The following DPP6 variants were observed in gnomAD, a reference collection of about 807,000 sequenced individuals.
DPP6 encodes the protein A-type potassium channel modulatory protein DPP6.
Under a neutral mutation model 122.6 loss-of-function variants are expected in DPP6, and 69 were observed. That is an observed-to-expected ratio of 0.56 (90% confidence interval 0.46 to 0.69). The LOEUF (loss-of-function observed/expected upper bound fraction) is 0.69. DPP6 is among the 30% of genes least tolerant of loss of function. DPP6 has a pLI of 0.00. For synonymous variants in DPP6, 418 were observed against 433.1 expected (o/e 0.97, Z 0.43); for missense variants, 928 against 1,116.9 (o/e 0.83, Z 2.41).
chr7:154,745,227 C>G (rs982304263), intron 8 of DPP6, among the ~76,000 whole-genome samples: 1 of 152,170 alleles, frequency 6.6e-6, no homozygotes, highest in Non-Finnish European at 1.5e-5. Flanking sequence ...TCTCCTCATC[C>G]TGGAGGTCTC....
chr7:154,032,478 A>G (rs556925058), intron 1 of DPP6, among the ~76,000 whole-genome samples: 1 of 152,326 alleles, frequency 6.6e-6, no homozygotes, highest in Non-Finnish European at 1.5e-5. Context: ...ATTCCCCAGT[A>G]AAATGTTACT....
chr7:154,208,703 A>G (rs961593806), intron 1 of DPP6, among the ~76,000 whole-genome samples: 1 of 152,186 alleles, frequency 6.6e-6, no homozygotes, highest in African/African-American at 2.4e-5. Context: ...GTGATGCTCC[A>G]GATAGCACAG....
intron 1 of DPP6, among the ~76,000 whole-genome samples, chr7:154,018,169 G>T (rs1264736041): frequency 3.3e-5 from 5 of 151,960 alleles, no homozygotes; most frequent in Non-Finnish European, 7.4e-5. Context: ...CCCCTATCCT[G>T]CTGTAGATGA....
At chr7:153,779,323 C>G in the DPP6 span, among the ~76,000 whole-genome samples, 11 of 151,186 alleles carry the variant, frequency 7.3e-5, no homozygotes, top group Non-Finnish European at 1.3e-4. Flanking sequence ...TTAGAACACT[C>G]AATTATATTT....
chr7:154,143,094 C>T (rs1795924410), intron 1 of DPP6, among the ~76,000 whole-genome samples: 3 of 147,146 alleles, frequency 2.0e-5, no homozygotes, highest in Admixed American at 6.8e-5. Flanking sequence ...CACTCCTAGT[C>T]TAATATCAGT....
intron 3 of DPP6, among the ~76,000 whole-genome samples, chr7:154,516,244 A>T (rs1255242522): frequency 6.7e-6 from 1 of 148,236 alleles, no homozygotes; most frequent in Admixed American, 6.7e-5. Flanking sequence ...GGACTTCCTC[A>T]ATACCTACTC....
chr7:154,273,381 G>A (rs568802609), intron 1 of DPP6, among the ~76,000 whole-genome samples: 16 of 152,252 alleles, frequency 1.1e-4, no homozygotes, highest in East Asian at 3.9e-4. Context: ...TACAACCTGC[G>A]TTACAGCCAG....
At chr7:154,277,037 T>C (rs1585807958) in intron 1 of DPP6, among the ~76,000 whole-genome samples, 2 of 152,024 alleles carry the variant, frequency 1.3e-5, no homozygotes, top group South Asian at 2.1e-4. Context: ...CAACAAAAAA[T>C]ACAAAAATGT....
At chr7:153,801,818 A>G in the DPP6 span, among the ~76,000 whole-genome samples, 5 of 152,154 alleles carry the variant, frequency 3.3e-5, no homozygotes, top group African/African-American at 1.2e-4. Flanking sequence ...TCTTGTTCTC[A>G]GACTGGCCAT....
intron 1 of DPP6, among the ~76,000 whole-genome samples, chr7:154,429,993 T>C (rs1052607979): frequency 6.6e-6 from 1 of 152,156 alleles, no homozygotes; most frequent in African/African-American, 2.4e-5. Flanking sequence ...AAAGCCTGCC[T>C]CCCACCCTCA....
chr7:154,530,176 A>G (rs78010293), intron 3 of DPP6, among the ~76,000 whole-genome samples: 5,072 of 152,192 alleles, frequency 0.033, 110 homozygotes, highest in South Asian at 0.083. Flanking sequence ...ATTCAAAATG[A>G]ACAGGGAGAA....
chr7:153,774,311 A>G, the DPP6 span, among the ~76,000 whole-genome samples: 1 of 152,212 alleles, frequency 6.6e-6, no homozygotes, highest in African/African-American at 2.4e-5. Context: ...CGGAAGGTAC[A>G]ATACAGAGGT....
chr7:154,527,732 A>G (rs993122805), intron 3 of DPP6, among the ~76,000 whole-genome samples: 2 of 152,194 alleles, frequency 1.3e-5, no homozygotes, highest in Non-Finnish European at 2.9e-5. Context: ...ACCAAACAGC[A>G]TATATAAATT....
chr7:154,469,205 A>G (rs975601134), intron 2 of DPP6, among the ~76,000 whole-genome samples: 1 of 151,682 alleles, frequency 6.6e-6, no homozygotes, highest in Non-Finnish European at 1.5e-5. Flanking sequence ...AAAGTAAAAC[A>G]CACACACACA....
chr7:154,492,415 T>A (rs534000632), intron 3 of DPP6, among the ~76,000 whole-genome samples: 187 of 152,226 alleles, frequency 1.2e-3, no homozygotes, highest in Middle Eastern at 0.01. Context: ...TGCATGTTGA[T>A]TTAATAGGAA....
chr7:153,754,471 T>C, the DPP6 span, among the ~76,000 whole-genome samples: 1 of 152,136 alleles, frequency 6.6e-6, no homozygotes, highest in Admixed American at 6.5e-5. Flanking sequence ...TTTGTCTGCA[T>C]TTAAGATTTT....
At chr7:154,342,606 A>G (rs1178435657) in intron 1 of DPP6, among the ~76,000 whole-genome samples, 2 of 152,214 alleles carry the variant, frequency 1.3e-5, no homozygotes, top group Non-Finnish European at 2.9e-5. Context: ...GAGGCGAACT[A>G]GAAGATCCTG....
chr7:154,307,226 T>A (rs1189686470), intron 1 of DPP6, among the ~76,000 whole-genome samples: 3 of 152,212 alleles, frequency 2.0e-5, no homozygotes, highest in African/African-American at 7.2e-5. Flanking sequence ...GAATAGTTAA[T>A]TAGGGTGTGG....
At chr7:154,846,649 G>T (rs1014835786) in intron 16 of DPP6, among the ~76,000 whole-genome samples, 4 of 152,196 alleles carry the variant, frequency 2.6e-5, no homozygotes, top group African/African-American at 9.7e-5. Context: ...AAAGATATAT[G>T]TAAGAGGTTT....
Sources: gnomAD v4.1 joint callset for allele counts (sites outside exome capture counted in the v4.1 genomes callset) on GRCh38, gnomAD v4.1.1 for gene constraint, MANE v1.5 for transcripts, NCBI Gene and HGNC (gene_info 2026-07-23, HGNC 2026-07-21) for gene names.